Variants in PTPRN observed in about 807,000 individuals in gnomAD.
The protein encoded by PTPRN is protein tyrosine phosphatase receptor type N.
PTPRN carries 70 observed loss-of-function variants against 108.5 expected under a neutral mutation model. That is an observed-to-expected ratio of 0.65 (90% CI 0.53 to 0.79). The LOEUF (loss-of-function observed/expected upper bound fraction) is 0.79. Among genes scored for constraint, PTPRN ranks in the 30% least tolerant of loss-of-function variants. PTPRN has a pLI of 0.00. For missense variants in PTPRN, 1,136 were observed against 1,295.5 expected (o/e 0.88, Z 1.89); for synonymous variants, 496 against 524.6 (o/e 0.95, Z 0.75).
Position 219,295,026 on chromosome 2 carries a change from C to T in PTPRN, c.2624G>A (p.Trp875Ter). 1 of 1,611,748 alleles carries T rather than the reference C, an allele frequency of 6.2e-7. No individual in the cohort carries two copies. The highest frequency in any genetic ancestry group is 8.5e-7 in the Non-Finnish European group (1 of 1,178,976). The change falls in exon 19 of 23, where the codon TGG becomes TAG. Residue 875 changes from tryptophan to a stop codon, truncating the protein, a stop_gained. Coordinates refer to ENST00000295718, the MANE Select transcript of PTPRN (RefSeq NM_002846.4). LOFTEE classifies it high-confidence loss of function. ...RTLTQFHFLS[W>*]PAEGTPASTR... ...GGAGGCCGGTGTGCCCTCTGCCGGC[C>T]AGCTGAGGAAGTGGAACTGCGTGAG...
rs988628902 is a variant in PTPRN at position 219,299,220 on chromosome 2, G to A, written c.1603+85C>T. The A allele has an allele frequency of 7.3e-5, 117 of 1,598,156 alleles. No homozygotes were observed. The Admixed American group carries it at 1.9e-3, about 26-fold the overall frequency. ...CCCATGTGGGCTGGGAACATTTCAAGGGGGCATCAGCAACAGGCCTGGATA... is the reference window on the plus strand; with the variant it reads ...CCCATGTGGGCTGGGAACATTTCAAAGGGGCATCAGCAACAGGCCTGGATA... On this transcript the variant is annotated intron_variant, in intron 11 of 22. Coordinates refer to ENST00000295718, the MANE Select transcript of PTPRN (RefSeq NM_002846.4).
intron 20 of PTPRN, 46 bp downstream of exon 20, chr2:219,291,422 ACG>A (rs1302292412): frequency 6.4e-7 from 1 of 1,574,534 alleles, no homozygotes; most frequent in Non-Finnish European, 8.7e-7. Flanking sequence ...TGCACAGGAG[ACG>A]CACACAGGGA....
In PTPRN at chr2:219,296,772, C is replaced by G. The variant is rs748799144; in HGVS notation, c.2287G>C (p.Asp763His). Residue 763 changes from aspartate (D) to histidine (H), a missense_variant, in exon 16 of 23, where the codon GAT (aspartate) becomes CAT (histidine). Physicochemically the swap from Asp to His is moderately conservative, Grantham distance 81. Coordinates refer to ENST00000295718, the MANE Select transcript of PTPRN (RefSeq NM_002846.4). The surrounding 1 kb of genome is among the most constrained non-coding windows in gnomAD (Gnocchi z 6.0). ...ACAATGGGGCTGGCGTTGATGTAAT[C>G]GCTCCGAGAAGGGCTGCTCTCCACC... Reference protein sequence around the residue: ...LKVESSPSRSDYINASPIIEH... With the variant: ...LKVESSPSRSHYINASPIIEH... The G allele has an allele frequency of 1.2e-5, 20 of 1,613,818 alleles. No homozygotes were observed. The highest frequency in any genetic ancestry group is 2.2e-5 in the South Asian group (2 of 91,074).
chr2:219,290,198 G>C lies in PTPRN; in HGVS notation c.*28C>G. The C allele has an allele frequency of 6.3e-7, 1 of 1,594,530 alleles. No homozygotes were observed. The highest frequency in any genetic ancestry group is 1.3e-5 in the African/African-American group (1 of 74,596). On this transcript the variant is annotated 3_prime_UTR_variant, in exon 23 of 23. Coordinates refer to ENST00000295718, the MANE Select transcript of PTPRN (RefSeq NM_002846.4). This position sits in a 1 kb window ranked among gnomAD's most constrained non-coding sequence, Gnocchi z 4.2. Reference sequence around the variant, plus strand: ...ACACAGGCAAAGAGGGACAGAGGCTGGGCTGCCCGCCAAGGGGCCCCAGGG... The same window carrying C: ...ACACAGGCAAAGAGGGACAGAGGCTCGGCTGCCCGCCAAGGGGCCCCAGGG...
At chr2:219,306,680 C>T (rs1029934869) in intron 3 of PTPRN, among the ~76,000 whole-genome samples, 1 of 152,212 alleles carries the variant, frequency 6.6e-6, no homozygotes, top group East Asian at 1.9e-4. Flanking sequence ...TCTACTCTTC[C>T]TCTCCATCAG....
chr2:219,299,009 C>A, intron 12 of PTPRN, 38 bp downstream of exon 12: 1 of 1,612,138 alleles, frequency 6.2e-7, no homozygotes, highest in Non-Finnish European at 8.5e-7. Flanking sequence ...AACATCAGCC[C>A]TCTGGGGACT....
At chr2:219,309,008 A>G in intron 1 of PTPRN, 3 of 1,528,500 alleles carry the variant, frequency 2.0e-6, no homozygotes, top group Non-Finnish European at 2.6e-6. Flanking sequence ...CAATTCTCTT[A>G]GGTCCCGCCC....
chr2:219,307,713 T>C, intron 2 of PTPRN, 79 bp downstream of exon 2: 2 of 1,552,852 alleles, frequency 1.3e-6, no homozygotes, highest in South Asian at 2.2e-5. Flanking sequence ...TCTTCCTTTC[T>C]GGGCCTTCTC....
chr2:219,291,925 A>G lies in PTPRN; in HGVS notation c.2676-402T>C. On this transcript the variant is annotated intron_variant, in intron 19 of 22. Transcript: ENST00000295718. ...GCTCAATACATGGTAGCAGGTGGCA[A>G]CTATTAATGATAATACATCATCATA... 1.2e-5 allele frequency: 3 copies of G among 243,488 alleles called. No homozygotes were observed. The South Asian group carries it at 1.6e-4, about 13-fold the overall frequency. 15.1% of individuals were successfully genotyped at this position (243,488 alleles called of 1,614,324 possible). A position where few individuals can be genotyped will look rare whatever the true frequency, so the allele number is the denominator to read the frequency against.
intron 6 of PTPRN, 85 bp downstream of exon 6, chr2:219,302,052 A>G (rs1952361478): frequency 3.2e-6 from 4 of 1,250,016 alleles, no homozygotes; most frequent in Non-Finnish European, 4.4e-6. Flanking sequence ...CAAGTTAACA[A>G]ACGCATAGAT....
intron 19 of PTPRN, among the ~76,000 whole-genome samples, chr2:219,294,486 G>A (rs547505368): frequency 6.6e-6 from 1 of 152,080 alleles, no homozygotes; most frequent in African/African-American, 2.4e-5. Flanking sequence ...AGAAAAAAGA[G>A]GCGAAGAGAC....
rs368911568 is a variant in PTPRN, at chr2:219,290,645, G to A, written c.2795-34C>T. 1.3e-6 allele frequency: 2 copies of A among 1,540,678 alleles called. No individual in the cohort carries two copies. The highest frequency in any genetic ancestry group is 1.8e-6 in the Non-Finnish European group (2 of 1,136,780). On this transcript the variant is annotated intron_variant, in intron 21 of 22. Transcript: ENST00000295718. This position sits in a 1 kb window ranked among gnomAD's most constrained non-coding sequence, Gnocchi z 4.2. ...GGAGGTGGGGATGGGGCTGCTCAGG[G>A]GGTGTCCAGAGGAGGACAGGACCCA...
chr2:219,298,584 C>T (rs1952261446), intron 12 of PTPRN, among the ~76,000 whole-genome samples: 2 of 152,146 alleles, frequency 1.3e-5, no homozygotes, highest in Non-Finnish European at 1.5e-5. Flanking sequence ...GTGGCAGGCA[C>T]CTGTAATCCC....
chr2:219,292,757 T>C (rs935865345), intron 19 of PTPRN: 4 of 152,210 alleles, frequency 2.6e-5, no homozygotes, highest in African/African-American at 9.7e-5. Context: ...CTATGGCCTG[T>C]TGGGAACCGA....
Position 219,302,821 on chromosome 2 carries a change from T to C in PTPRN, c.394A>G (p.Lys132Glu). 1 of 1,613,016 alleles carries C rather than the reference T, an allele frequency of 6.2e-7. No individual in the cohort carries two copies. The change falls in exon 5 of 23, where the codon AAG (lysine) becomes GAG (glutamate). Residue 132 changes from lysine (K) to glutamate (E), a missense_variant. By Grantham distance (56) the Lys-to-Glu change is moderately conservative. Coordinates refer to ENST00000295718, the MANE Select transcript of PTPRN (RefSeq NM_002846.4). Reference protein sequence around the residue: ...RPRDRSGLAPKRPGPAGELLL... With the variant: ...RPRDRSGLAPERPGPAGELLL... The stretch of plus-strand genomic sequence containing the variant: ...AGCTCTCCAGCAGGACCAGGTCTCT[T>C]GGGTGCCAAGCCAGACCTGTAGAGG...
chr2:219,302,015 C>A (rs1314241196), intron 6 of PTPRN, 122 bp downstream of exon 6: 1 of 986,614 alleles, frequency 1.0e-6, no homozygotes, highest in African/African-American at 1.6e-5. Flanking sequence ...AGTAGACATT[C>A]CTTAAATGTA....
At chr2:219,295,199 C>T in intron 18 of PTPRN, 58 bp from the exon 19 acceptor site, 1 of 1,572,446 alleles carries the variant, frequency 6.4e-7, no homozygotes, top group African/African-American at 1.4e-5. Flanking sequence ...CCGCGTTGCG[C>T]GCGCTCTCCT....
At position 219,290,569 on chromosome 2, in the gene PTPRN, C is replaced by A; in HGVS notation, c.2837G>T (p.Arg946Leu). Residue 946 changes from arginine to leucine, a missense_variant, in exon 22 of 23, where the codon CGT (arginine) becomes CTT (leucine). By Grantham distance (102) the Arg-to-Leu change is moderately radical (BLOSUM62 -2). Coordinates refer to ENST00000295718, the MANE Select transcript of PTPRN (RefSeq NM_002846.4). This position sits in a 1 kb window ranked among gnomAD's most constrained non-coding sequence, Gnocchi z 4.2. ...GCGGACAAGGCCAGGCCGCTGGTCA[C>A]GGACATGCTCCAGGGTGGCAGCGAT... is the stretch of plus-strand genomic sequence containing the variant. ...IDIAATLEHV[R>L]DQRPGLVRSK... is the part of the protein sequence containing the mutation. The A allele has an allele frequency of 6.4e-7, 1 of 1,551,760 alleles. No homozygotes were observed.
Position 219,301,610 on chromosome 2 carries a change from G to A in PTPRN, c.1104C>T (p.Pro368=), listed in dbSNP as rs1441358204. 1 of 1,612,210 alleles carries A rather than the reference G, an allele frequency of 6.2e-7. No individual in the cohort carries two copies. The highest frequency in any genetic ancestry group is 2.2e-5 in the East Asian group (1 of 44,814). ...STLLTLLQLL[P]KGAGRNPGGV... ...TACCCGGATTTCTTCCTGCACCCTT[G>A]GGCAGTAGCTGCAGCAGGGTCAGGA... Residue 368 remains proline (P), a synonymous_variant, in exon 7 of 23, where the codon CCC becomes CCT. Coordinates refer to ENST00000295718, the MANE Select transcript of PTPRN (RefSeq NM_002846.4).
Sources: gnomAD v4.1 joint callset for allele counts (sites outside exome capture counted in the v4.1 genomes callset) on GRCh38, gnomAD v4.1.1 for gene constraint, Gnocchi (gnomAD v3.1) non-coding constraint, MANE v1.5 for transcripts, NCBI Gene and HGNC (gene_info 2026-07-23, HGNC 2026-07-21) for gene names.